Variants in UGT1A8 observed in about 807,000 individuals in gnomAD.
The protein encoded by UGT1A8 is UDP-glucuronosyltransferase 1A8.
In UGT1A8, 39 loss-of-function variants were observed where a neutral mutation model predicts 45.3. The ratio of observed to expected loss-of-function variants is 0.86; its 90% CI spans 0.67 to 1.12. UGT1A8 has a LOEUF of 1.12. Ranked by LOEUF, UGT1A8 falls within the 50% of genes most tolerant of loss-of-function variation. The probability of loss-of-function intolerance (pLI) is 0.00; values close to 1 mark genes in which losing one functional copy is unlikely to be tolerated. For missense variants in UGT1A8, 719 were observed against 664.9 expected, an observed-to-expected ratio of 1.08 and a Z score of -0.90; for synonymous variants, 275 against 249.2, an observed-to-expected ratio of 1.10 and a Z score of -0.97.
intron 1 of UGT1A8, among the ~76,000 whole-genome samples, chr2:233,680,021 CTCT>C (rs1421829975): frequency 2.6e-5 from 4 of 152,250 alleles, no homozygotes; most frequent in Admixed American, 2.6e-4. Flanking sequence ...TTCTCTCTCT[CTCT>C]TTTTTCTTTT....
chr2:233,752,292 T>A (rs1364554395), intron 1 of UGT1A8: 1 of 152,220 alleles, frequency 6.6e-6, no homozygotes, highest in Non-Finnish European at 1.5e-5. Flanking sequence ...CACAGGGTCA[T>A]GCCTTTCCTT....
At position 233,772,364 on chromosome 2, in the gene UGT1A8, G is replaced by A. The variant is rs2126066742; in HGVS notation, c.1398G>A (p.Lys466=). The A allele has an allele frequency of 6.2e-7, 1 of 1,614,266 alleles. No homozygotes were observed. Among genetic ancestry groups the A allele is most frequent in the Non-Finnish European group, 8.5e-7 (1 of 1,180,054 alleles). ...VFWVEFVMRH[K]GAPHLRPAAH... is the part of the protein sequence containing the mutation. ...GGGTGGAGTTTGTGATGAGGCACAAGGGCGCGCCACACCTGCGCCCCGCAG... is the reference window on the plus strand; with the variant it reads ...GGGTGGAGTTTGTGATGAGGCACAAAGGCGCGCCACACCTGCGCCCCGCAG... The change falls in exon 5 of 5, where the codon AAG becomes AAA. Residue 466 remains lysine, a synonymous_variant. Transcript: ENST00000373450.
At chr2:233,680,312 C>G (rs1217539117) in intron 1 of UGT1A8, among the ~76,000 whole-genome samples, 2 of 152,136 alleles carry the variant, frequency 1.3e-5, no homozygotes, top group Non-Finnish European at 2.9e-5. Flanking sequence ...ATGCAATTTA[C>G]TAGAGAGAAG....
chr2:233,640,525 T>G (rs1036409057), intron 1 of UGT1A8, among the ~76,000 whole-genome samples: 1 of 152,208 alleles, frequency 6.6e-6, no homozygotes, highest in Non-Finnish European at 1.5e-5. Context: ...ATACAACATC[T>G]TTTTATGTTG....
Position 233,766,262 on chromosome 2 carries a change from C to T in UGT1A8, c.856-772C>T, listed in dbSNP as rs34353734. On this transcript the variant is annotated intron_variant, in intron 1 of 4. Coordinates refer to ENST00000373450, the MANE Select transcript of UGT1A8 (RefSeq NM_019076.5). ...CCCCTGGAGTCAGACCGCTCAGTGG[C>T]CCGGGCTCGGTGGCCCGGGCTCGGT... is the stretch of plus-strand genomic sequence containing the variant. Among the ~76,000 whole-genome samples, 215 of 68,078 alleles carry T rather than the reference C, an allele frequency of 3.2e-3. 2 individuals carry two copies. Among genetic ancestry groups the T allele is most frequent in the African/African-American group, 0.015 (204 of 13,924 alleles). 44.7% of individuals were successfully genotyped at this position (68,078 alleles called of 152,430 possible).
chr2:233,670,513 C>T (rs540661169), intron 1 of UGT1A8, among the ~76,000 whole-genome samples: 13 of 152,286 alleles, frequency 8.5e-5, no homozygotes, highest in Middle Eastern at 3.4e-3. Flanking sequence ...TAATTGGAAG[C>T]CTTTGCCAAA....
chr2:233,718,006 C>A (rs2076621549), intron 1 of UGT1A8: 2 of 407,730 alleles, frequency 4.9e-6, no homozygotes. Flanking sequence ...AGATCTGAGG[C>A]CAGGCTCCAG....
In UGT1A8 at chr2:233,769,706, T is replaced by G; in HGVS notation, c.1295+1267T>G. On this transcript the variant is annotated intron_variant, in intron 4 of 4. Transcript: ENST00000373450. The surrounding 1 kb of genome is among the most constrained non-coding windows in gnomAD (Gnocchi z 4.4). ...GGTGGCACTGGATAAAAGATCAATG[T>G]TGGCTAGGCACCATGGCACACGCCT... 6.6e-7 allele frequency: 1 copy of G among 1,515,112 alleles called. No homozygotes were observed. 93.9% of individuals were successfully genotyped at this position (1,515,112 alleles called of 1,614,324 possible).
chr2:233,620,835 A>G (rs2072990876), intron 1 of UGT1A8, among the ~76,000 whole-genome samples: 1 of 152,220 alleles, frequency 6.6e-6, no homozygotes, highest in African/African-American at 2.4e-5. Context: ...TCCTTGTTTC[A>G]GATGCCAGGA....
chr2:233,756,911 G>T (rs1386201221), intron 1 of UGT1A8, among the ~76,000 whole-genome samples: 2 of 152,132 alleles, frequency 1.3e-5, no homozygotes, highest in Non-Finnish European at 2.9e-5. Flanking sequence ...ACAAACTTCT[G>T]AGTTTATATA....
intron 1 of UGT1A8, among the ~76,000 whole-genome samples, chr2:233,644,269 T>A (rs1321263015): frequency 1.3e-5 from 2 of 152,144 alleles, no homozygotes; most frequent in African/African-American, 4.8e-5. Flanking sequence ...CTAGGGCTGG[T>A]TTAAATGCTC....
intron 1 of UGT1A8, among the ~76,000 whole-genome samples, chr2:233,723,589 G>T (rs2077103312): frequency 9.1e-6 from 1 of 109,944 alleles, no homozygotes; most frequent in Non-Finnish European, 1.8e-5. Context: ...GGGGGATTTG[G>T]CAGGGTCATG....
intron 1 of UGT1A8, chr2:233,753,227 G>C (rs1159268565): frequency 6.6e-6 from 1 of 152,106 alleles, no homozygotes; most frequent in Non-Finnish European, 1.5e-5. Flanking sequence ...GATACTTCTT[G>C]TATAGTTATT....
intron 1 of UGT1A8, among the ~76,000 whole-genome samples, chr2:233,626,379 T>C (rs2073083971): frequency 6.6e-6 from 1 of 152,044 alleles, no homozygotes; most frequent in Admixed American, 6.6e-5. Flanking sequence ...CACTAATCTC[T>C]ATCAGGTCAT....
At chr2:233,672,797 A>C in intron 1 of UGT1A8, 2 of 1,612,736 alleles carry the variant, frequency 1.2e-6, no homozygotes, top group Non-Finnish European at 8.5e-7. Flanking sequence ...ATGGTAAGTT[A>C]TCTCTCCTTT....
chr2:233,656,261 G>T (rs1457967443), intron 1 of UGT1A8, among the ~76,000 whole-genome samples: 3 of 152,160 alleles, frequency 2.0e-5, no homozygotes, highest in Admixed American at 1.3e-4. Flanking sequence ...ACATCAAAAG[G>T]TCTCTTCAGG....
In UGT1A8 at chr2:233,618,181, C is replaced by T. The variant is rs1126800; in HGVS notation, c.474C>T (p.Ala158=). 7.4e-6 allele frequency: 12 copies of T among 1,613,814 alleles called. No homozygotes were observed. The highest frequency in any genetic ancestry group is 1.7e-5 in the Admixed American group (1 of 59,958). ...DPFDACGLIV[A]KYFSLPSVVF... is the part of the protein sequence containing the mutation. Reference sequence around the variant, plus strand: ...TTGATGCCTGTGGCTTAATTGTTGCCAAATATTTCTCCCTCCCCTCTGTGG... The same window carrying T: ...TTGATGCCTGTGGCTTAATTGTTGCTAAATATTTCTCCCTCCCCTCTGTGG... Residue 158 remains alanine (A), a synonymous_variant, in exon 1 of 5, where the codon GCC becomes GCT. Transcript: ENST00000373450.
intron 1 of UGT1A8, among the ~76,000 whole-genome samples, chr2:233,717,124 A>G (rs1167442935): frequency 1.3e-5 from 2 of 152,206 alleles, no homozygotes; most frequent in African/African-American, 4.8e-5. Context: ...CTACATGGAA[A>G]TAGAACACCA....
At chr2:233,714,779 A>T (rs2076411576) in intron 1 of UGT1A8, among the ~76,000 whole-genome samples, 1 of 152,270 alleles carries the variant, frequency 6.6e-6, no homozygotes, top group African/African-American at 2.4e-5. Flanking sequence ...AATTTGGAAT[A>T]GCCACATTTC....
Sources: allele counts gnomAD v4.1 joint callset (sites outside exome capture counted in the v4.1 genomes callset), GRCh38; gene constraint gnomAD v4.1.1; non-coding constraint Gnocchi (gnomAD v3.1); transcripts MANE v1.5; gene names NCBI Gene and HGNC (gene_info 2026-07-23, HGNC 2026-07-21).